The following SLIT3 variants were observed in gnomAD, a reference collection of about 807,000 sequenced individuals.
The protein encoded by SLIT3 is slit guidance ligand 3.
A neutral mutation model predicts 184.0 loss-of-function variants in SLIT3; 68 were observed. The observed-to-expected ratio is 0.37, with a 90% CI of 0.30 to 0.45. The LOEUF is 0.45. Among genes scored for constraint, SLIT3 ranks in the 20% least tolerant of loss-of-function variants. The probability of loss-of-function intolerance (pLI) is 1.00; values close to 1 mark genes in which losing one functional copy is unlikely to be tolerated. For synonymous variants in SLIT3, 831 were observed against 828.6 expected (o/e 1.00, Z -0.05); for missense variants, 1,707 against 2,026.0 (o/e 0.84, Z 3.02).
intron 14 of SLIT3, among the ~76,000 whole-genome samples, chr5:168,763,852 C>T (rs902612221): frequency 4.6e-5 from 7 of 152,144 alleles, no homozygotes; most frequent in East Asian, 3.8e-4. Context: ...GTCCAATGCA[C>T]GAGTGGGGTG....
At chr5:169,018,928 C>T (rs559605911) in intron 4 of SLIT3, among the ~76,000 whole-genome samples, 39 of 152,264 alleles carry the variant, frequency 2.6e-4, no homozygotes, top group African/African-American at 8.7e-4. Flanking sequence ...CAAGGTCACT[C>T]GGAATGCAGT....
chr5:168,924,491 AGGGT>A (rs1562008899), intron 4 of SLIT3, among the ~76,000 whole-genome samples: 1 of 142,954 alleles, frequency 7.0e-6, no homozygotes, highest in Admixed American at 6.8e-5. Context: ...AGGGTGTGTA[AGGGT>A]GTGTGTGTGT....
chr5:169,132,756 A>G (rs912192903), intron 4 of SLIT3, among the ~76,000 whole-genome samples: 10 of 152,198 alleles, frequency 6.6e-5, no homozygotes, highest in Non-Finnish European at 1.3e-4. Flanking sequence ...TACGGTGCAC[A>G]CCAAGAAGAA....
chr5:168,990,598 G>T (rs62378616), intron 4 of SLIT3, among the ~76,000 whole-genome samples: 2 of 152,146 alleles, frequency 1.3e-5, no homozygotes, highest in Non-Finnish European at 1.5e-5. Flanking sequence ...ACCCAGAGAG[G>T]TTATTTATTT....
intron 20 of SLIT3, among the ~76,000 whole-genome samples, chr5:168,733,539 C>G (rs1763347176): frequency 6.6e-6 from 1 of 152,102 alleles, no homozygotes; most frequent in South Asian, 2.1e-4. Flanking sequence ...GAATCAACCT[C>G]AATGTCCATC....
chr5:169,053,358 A>C (rs897727214), intron 4 of SLIT3, among the ~76,000 whole-genome samples: 1 of 152,228 alleles, frequency 6.6e-6, no homozygotes. Flanking sequence ...CTTCTGGTCT[A>C]AACTTGGAGG....
At chr5:168,699,883 C>G (rs947876860) in intron 27 of SLIT3, among the ~76,000 whole-genome samples, 1 of 152,178 alleles carries the variant, frequency 6.6e-6, no homozygotes, top group South Asian at 2.1e-4. Flanking sequence ...AAGTGCCAGA[C>G]GGGCAGTCTT....
chr5:168,705,730 G>T (rs529179619), intron 26 of SLIT3, among the ~76,000 whole-genome samples: 154 of 152,334 alleles, frequency 1.0e-3, no homozygotes, highest in African/African-American at 3.6e-3. Context: ...TACTCTCTTT[G>T]CTCTGACACT....
chr5:169,187,638 T>C (rs1293426431), intron 4 of SLIT3, among the ~76,000 whole-genome samples: 2 of 147,390 alleles, frequency 1.4e-5, no homozygotes, highest in African/African-American at 5.0e-5. Context: ...AACTGCCACC[T>C]CCACCTCCTG....
In SLIT3 at chr5:169,193,463, A is replaced by C; in HGVS notation, c.413+16T>G. Reference sequence around the variant, plus strand: ...GGCAAGGCACAAGGTAGAGAACACAAGGCAACTCTACTCACAGTCTGGTGA... The same window carrying C: ...GGCAAGGCACAAGGTAGAGAACACACGGCAACTCTACTCACAGTCTGGTGA... On this transcript the variant is annotated intron_variant, in intron 4 of 35. Coordinates refer to ENST00000519560, the MANE Select transcript of SLIT3 (RefSeq NM_003062.4). 1 of 1,608,958 alleles carries C rather than the reference A, an allele frequency of 6.2e-7. No individual in the cohort carries two copies. The highest frequency in any genetic ancestry group is 8.5e-7 in the Non-Finnish European group (1 of 1,175,314).
At chr5:169,256,693 T>C (rs2113604960) in intron 1 of SLIT3, among the ~76,000 whole-genome samples, 1 of 152,290 alleles carries the variant, frequency 6.6e-6, no homozygotes, top group South Asian at 2.1e-4. Flanking sequence ...TGGAACCCCA[T>C]TCACATGGCT....
chr5:169,291,873 C>T (rs2113661271), intron 1 of SLIT3, among the ~76,000 whole-genome samples: 1 of 152,316 alleles, frequency 6.6e-6, no homozygotes, highest in South Asian at 2.1e-4. Context: ...GTTATTTCAC[C>T]TCTCTGACGT....
At chr5:169,265,367 T>C (rs1309548690) in intron 1 of SLIT3, among the ~76,000 whole-genome samples, 2 of 152,176 alleles carry the variant, frequency 1.3e-5, no homozygotes, top group African/African-American at 4.8e-5. Flanking sequence ...TCTCCAAAGG[T>C]CAGTCCATCA....
intron 20 of SLIT3, among the ~76,000 whole-genome samples, chr5:168,731,836 C>T (rs536074620): frequency 6.6e-6 from 1 of 152,120 alleles, no homozygotes; most frequent in South Asian, 2.1e-4. Context: ...AACCCACAGC[C>T]AACATCATCC....
intron 4 of SLIT3, among the ~76,000 whole-genome samples, chr5:169,155,869 C>T (rs1374171006): frequency 6.6e-6 from 1 of 152,222 alleles, no homozygotes; most frequent in East Asian, 1.9e-4. Context: ...GTATGAACTG[C>T]TCCACCTCGC....
At chr5:169,207,493 C>T (rs1764114812) in intron 3 of SLIT3, among the ~76,000 whole-genome samples, 3 of 151,570 alleles carry the variant, frequency 2.0e-5, no homozygotes, top group African/African-American at 4.9e-5. Flanking sequence ...GAGGTAGTTA[C>T]CTAACACAAA....
intron 4 of SLIT3, among the ~76,000 whole-genome samples, chr5:168,912,180 A>T (rs1252393472): frequency 2.0e-5 from 3 of 152,138 alleles, no homozygotes; most frequent in Admixed American, 2.0e-4. Flanking sequence ...TCTTAATAAC[A>T]TTTTTCCCCT....
intron 3 of SLIT3, among the ~76,000 whole-genome samples, chr5:169,239,366 C>T (rs1207740330): frequency 2.0e-5 from 3 of 151,918 alleles, no homozygotes; most frequent in Non-Finnish European, 2.9e-5. Flanking sequence ...AATGTTCATT[C>T]TTTTAACAGA....
chr5:168,944,220 C>T (rs538319694), intron 4 of SLIT3, among the ~76,000 whole-genome samples: 2 of 152,242 alleles, frequency 1.3e-5, no homozygotes, highest in Non-Finnish European at 2.9e-5. Context: ...CGCTGACAAC[C>T]CTTCCCAGTG....
Sources: allele counts gnomAD v4.1 joint callset (sites outside exome capture counted in the v4.1 genomes callset), GRCh38; gene constraint gnomAD v4.1.1; transcripts MANE v1.5; gene names NCBI Gene and HGNC (gene_info 2026-07-23, HGNC 2026-07-21).